The following PPP1R9A variants were observed in gnomAD, a reference collection of about 807,000 sequenced individuals.
PPP1R9A encodes protein phosphatase 1 regulatory subunit 9A.
A neutral mutation model predicts 141.9 loss-of-function variants in PPP1R9A; 59 were observed. The observed-to-expected ratio is 0.42, with a 90% confidence interval of 0.34 to 0.52. The LOEUF is 0.52. PPP1R9A is among the 20% of genes least tolerant of loss of function. PPP1R9A has a pLI of 0.10. For missense variants in PPP1R9A, 1,444 were observed against 1,611.9 expected, an observed-to-expected ratio of 0.90 and a Z score of 1.78; for synonymous variants, 500 against 569.7, an observed-to-expected ratio of 0.88 and a Z score of 1.74.
intron 2 of PPP1R9A, among the ~76,000 whole-genome samples, chr7:95,023,921 T>C (rs997441926): frequency 6.6e-6 from 1 of 152,206 alleles, no homozygotes; most frequent in African/African-American, 2.4e-5. Context: ...CTTGTGGGCA[T>C]TTAGTGCTAT....
Position 95,027,539 on chromosome 7 carries a change from C to T in PPP1R9A, c.1396-83720C>T, listed in dbSNP as rs542516257. 5.9e-5 allele frequency among the ~76,000 whole-genome samples: 9 copies of T among 152,262 alleles called. No individual in the cohort carries two copies. The East Asian group carries it at 1.7e-3, about 29-fold the overall frequency. ...TAGCTGTTCCTATTCAGCTATCTTG[C>T]CAGCCTCTCTTGAAAAGAGCTACAT... On this transcript the variant is annotated intron_variant, in intron 2 of 19. Transcript: ENST00000433360.
At chr7:95,184,074 A>G (rs1444391291) in intron 5 of PPP1R9A, among the ~76,000 whole-genome samples, 1 of 152,166 alleles carries the variant, frequency 6.6e-6, no homozygotes, top group African/African-American at 2.4e-5. Context: ...AAGGAGCAAG[A>G]GTTTGGTTGT....
intron 2 of PPP1R9A, among the ~76,000 whole-genome samples, chr7:95,020,409 A>G (rs1026372642): frequency 6.6e-6 from 1 of 152,152 alleles, no homozygotes; most frequent in South Asian, 2.1e-4. Context: ...AGAATATTCA[A>G]TTTGTAAGTT....
chr7:95,195,444 C>CT lies in PPP1R9A; in HGVS notation c.1755-2889dup, dbSNP rs771744539. Among the ~76,000 whole-genome samples the CT allele has an allele frequency of 6.8e-3, 888 of 130,928 alleles. 3 individuals carry two copies. The highest frequency in any genetic ancestry group is 0.02 in the Middle Eastern group (5 of 250). 85.9% of individuals were successfully genotyped at this position (130,928 alleles called of 152,430 possible). On this transcript the variant is annotated intron_variant, in intron 5 of 19. Coordinates refer to ENST00000433360, the MANE Select transcript of PPP1R9A (RefSeq NM_001166160.2). The stretch of plus-strand genomic sequence containing the variant: ...TACAGGTGCATGCCACCACACCTGG[C>CT]TTTTTTTTTTTTTTTTAAGGGACGG...
At chr7:94,983,680 T>C (rs1316677915) in intron 2 of PPP1R9A, among the ~76,000 whole-genome samples, 2 of 152,220 alleles carry the variant, frequency 1.3e-5, no homozygotes, top group Non-Finnish European at 2.9e-5. Context: ...ACATTGATTT[T>C]GTATCCTGCG....
At chr7:95,116,876 T>C (rs888775710) in intron 3 of PPP1R9A, among the ~76,000 whole-genome samples, 1 of 152,194 alleles carries the variant, frequency 6.6e-6, no homozygotes, top group African/African-American at 2.4e-5. Flanking sequence ...GAATTTAATA[T>C]ATGACACACA....
chr7:94,957,537 A>G (rs1005883360), intron 2 of PPP1R9A, among the ~76,000 whole-genome samples: 4 of 152,208 alleles, frequency 2.6e-5, no homozygotes, highest in Non-Finnish European at 2.9e-5. Flanking sequence ...ATTGGCAGTT[A>G]TGGTTAGAAC....
chr7:95,152,816 TATC>T (rs954096038), intron 4 of PPP1R9A, among the ~76,000 whole-genome samples: 3 of 149,910 alleles, frequency 2.0e-5, no homozygotes, highest in African/African-American at 7.4e-5. Context: ...GACTAGGAAA[TATC>T]ATTCTCTACA....
chr7:95,102,777 CAT>C (rs1818958281), intron 2 of PPP1R9A, among the ~76,000 whole-genome samples: 1 of 152,164 alleles, frequency 6.6e-6, no homozygotes, highest in African/African-American at 2.4e-5. Flanking sequence ...GTAAGGAAGT[CAT>C]ATTCCTGACT....
Position 95,156,235 on chromosome 7 carries a change from G to T in PPP1R9A, c.1650-5632G>T, listed in dbSNP as rs552184331. The T allele has an allele frequency of 3.3e-5, 5 of 152,342 alleles. 1 individual carries two copies. The highest frequency in any genetic ancestry group is 3.3e-4 in the Admixed American group (5 of 15,288). The allele number at this position is 152,342 out of a possible 1,614,324, so 9.4% of individuals were successfully genotyped here. On this transcript the variant is annotated intron_variant, in intron 4 of 19. Coordinates refer to ENST00000433360, the MANE Select transcript of PPP1R9A (RefSeq NM_001166160.2). The stretch of plus-strand genomic sequence containing the variant: ...GGCACAGGCACTGACTCTCTGTGAG[G>T]CTGTGGCCAGACCAGGTGCACTGCA...
intron 2 of PPP1R9A, among the ~76,000 whole-genome samples, chr7:95,044,385 C>G (rs147972851): frequency 2.4e-4 from 37 of 152,226 alleles, no homozygotes; most frequent in African/African-American, 8.2e-4. Context: ...AAAATATGAA[C>G]ATTTTTGCCC....
intron 2 of PPP1R9A, among the ~76,000 whole-genome samples, chr7:94,978,082 A>G (rs899783830): frequency 2.0e-5 from 3 of 152,038 alleles, no homozygotes; most frequent in African/African-American, 7.2e-5. Context: ...TCTTGTGGTG[A>G]CTGATATGAA....
intron 2 of PPP1R9A, among the ~76,000 whole-genome samples, chr7:95,046,339 C>T (rs141687211): frequency 0.013 from 2,040 of 152,266 alleles, 48 homozygotes; most frequent in African/African-American, 0.047. Flanking sequence ...AGTGATCCAT[C>T]TGCCTCAGTC....
chr7:95,145,737 G>T (rs1827489449), intron 4 of PPP1R9A, among the ~76,000 whole-genome samples: 1 of 152,152 alleles, frequency 6.6e-6, no homozygotes, highest in African/African-American at 2.4e-5. Context: ...ACTTACGAGA[G>T]AGAACATGTG....
At chr7:95,080,627 G>A (rs549120279) in intron 2 of PPP1R9A, among the ~76,000 whole-genome samples, 97 of 152,180 alleles carry the variant, frequency 6.4e-4, no homozygotes, top group African/African-American at 2.1e-3. Context: ...AGCCCGCATC[G>A]CCAAGTCAAT....
intron 2 of PPP1R9A, among the ~76,000 whole-genome samples, chr7:95,092,346 CT>C (rs113520728): frequency 0.095 from 13,217 of 139,508 alleles, 868 homozygotes; most frequent in African/African-American, 0.2. Context: ...ATACTACACG[CT>C]TTTTTTTTTT....
At chr7:94,981,679 C>T (rs935354820) in intron 2 of PPP1R9A, among the ~76,000 whole-genome samples, 2 of 152,122 alleles carry the variant, frequency 1.3e-5, no homozygotes, top group Admixed American at 6.5e-5. Context: ...ATTATACATA[C>T]ATATGTACAT....
chr7:95,142,052 T>C (rs1418765913), intron 4 of PPP1R9A, among the ~76,000 whole-genome samples: 1 of 152,122 alleles, frequency 6.6e-6, no homozygotes, highest in Non-Finnish European at 1.5e-5. Context: ...TCTCTTTGAT[T>C]ATTGAGTGGG....
chr7:95,195,489 G>A (rs1563395446), intron 5 of PPP1R9A, among the ~76,000 whole-genome samples: 1 of 150,250 alleles, frequency 6.7e-6, no homozygotes, highest in Non-Finnish European at 1.5e-5. Context: ...TGTTACTTAG[G>A]CTGATCTTGA....
Sources: allele counts gnomAD v4.1 joint callset (sites outside exome capture counted in the v4.1 genomes callset), GRCh38; gene constraint gnomAD v4.1.1; transcripts MANE v1.5; gene names NCBI Gene and HGNC (gene_info 2026-07-23, HGNC 2026-07-21).